LEPR: variants seen among roughly 807,000 people sequenced by gnomAD.
LEPR encodes the protein leptin receptor.
Under a neutral mutation model 114.7 loss-of-function variants are expected in LEPR, and 56 were observed. The observed-to-expected ratio is 0.49, with a 90% CI of 0.39 to 0.61. The LOEUF (loss-of-function observed/expected upper bound fraction) is 0.61, where lower values mean the gene tolerates loss of function less well. Among genes scored for constraint, LEPR ranks in the 20% least tolerant of loss-of-function variants. The pLI is 0.00. For synonymous variants in LEPR, 443 were observed against 461.4 expected (o/e 0.96, Z 0.51); for missense variants, 1,202 against 1,352.9 (o/e 0.89, Z 1.75).
chr1:65,549,081 T>C (rs1032570584), intron 2 of LEPR, among the ~76,000 whole-genome samples: 14 of 151,736 alleles, frequency 9.2e-5, no homozygotes, highest in Non-Finnish European at 1.9e-4. Context: ...TTAGTTTGGC[T>C]GGATATGAAA....
chr1:65,484,120 G>C (rs950069092), intron 2 of LEPR, among the ~76,000 whole-genome samples: 2 of 151,868 alleles, frequency 1.3e-5, no homozygotes, highest in African/African-American at 2.4e-5. Context: ...GCCTTCCAAA[G>C]TGCTGGGATT....
intron 2 of LEPR, among the ~76,000 whole-genome samples, chr1:65,425,735 C>T (rs572465047): frequency 1.8e-4 from 27 of 152,264 alleles, no homozygotes; most frequent in East Asian, 1.7e-3. Context: ...CAGCACAGTA[C>T]GCTGGAGCTC....
At position 65,544,702 on chromosome 1, in the gene LEPR, GTT is replaced by G. The variant is rs60771321; in HGVS notation, c.-20-20836_-20-20835del. Among the ~76,000 whole-genome samples the G allele has an allele frequency of 7.4e-5, 11 of 149,138 alleles. No homozygotes were observed. In the South Asian group the frequency reaches 2.3e-3, roughly 31 times the overall value. On this transcript the variant is annotated intron_variant, in intron 2 of 19. Coordinates refer to ENST00000349533, the MANE Select transcript of LEPR (RefSeq NM_002303.6). Reference sequence around the variant, plus strand: ...CTGCATCTATTGAGACAATCATGCGGTTTTTTTTTGCATATAAATATAATAGA... The same window carrying G: ...CTGCATCTATTGAGACAATCATGCGGTTTTTTTGCATATAAATATAATAGA...
intron 2 of LEPR, among the ~76,000 whole-genome samples, chr1:65,520,863 G>A (rs759368576): frequency 1.3e-5 from 2 of 152,244 alleles, no homozygotes; most frequent in African/African-American, 2.4e-5. Context: ...ATGTCCTTAA[G>A]GCACAGATCG....
chr1:65,533,516 A>AT (rs1221559601), intron 2 of LEPR, among the ~76,000 whole-genome samples: 9 of 151,994 alleles, frequency 5.9e-5, no homozygotes, highest in Admixed American at 1.3e-4. Flanking sequence ...ACTTTCTTTG[A>AT]TTTTTTCTGT....
chr1:65,613,808 C>A, intron 14 of LEPR, among the ~76,000 whole-genome samples: 3 of 142,612 alleles, frequency 2.1e-5, no homozygotes, highest in Admixed American at 6.9e-5. Flanking sequence ...AAAACCTAGC[C>A]AAAGTAGATA....
chr1:65,547,030 T>C (rs572119724), intron 2 of LEPR, among the ~76,000 whole-genome samples: 2 of 152,272 alleles, frequency 1.3e-5, no homozygotes, highest in African/African-American at 4.8e-5. Context: ...TTGTTGAATT[T>C]TGTCAAAGGC....
At chr1:65,482,479 A>G (rs1202922243) in intron 2 of LEPR, among the ~76,000 whole-genome samples, 5 of 152,192 alleles carry the variant, frequency 3.3e-5, no homozygotes, top group Non-Finnish European at 7.3e-5. Context: ...ATTAAATAAG[A>G]AGTGAGTGAG....
At chr1:65,449,962 C>T (rs1452342041) in intron 2 of LEPR, among the ~76,000 whole-genome samples, 5 of 151,974 alleles carry the variant, frequency 3.3e-5, no homozygotes, top group Admixed American at 6.6e-5. Flanking sequence ...CTTTTATTTT[C>T]ATTTAGTTAA....
intron 3 of LEPR, among the ~76,000 whole-genome samples, chr1:65,567,874 T>C (rs1653885768): frequency 7.0e-6 from 1 of 143,606 alleles, no homozygotes. Flanking sequence ...CTCAGAGTGG[T>C]ACATTTGTCA....
chr1:65,439,679 G>A (rs754719335), intron 2 of LEPR, among the ~76,000 whole-genome samples: 1 of 152,030 alleles, frequency 6.6e-6, no homozygotes, highest in Non-Finnish European at 1.5e-5. Context: ...TTAGCTGGGT[G>A]TGGTGGCAGA....
chr1:65,426,055 G>C (rs1570419917), intron 2 of LEPR, among the ~76,000 whole-genome samples: 1 of 144,210 alleles, frequency 6.9e-6, no homozygotes, highest in Non-Finnish European at 1.5e-5. Context: ...CATACTGTCA[G>C]AGGTAGAAAT....
intron 19 of LEPR, among the ~76,000 whole-genome samples, chr1:65,632,472 A>G (rs1420709523): frequency 6.6e-6 from 1 of 152,086 alleles, no homozygotes; most frequent in Non-Finnish European, 1.5e-5. Context: ...AACAAAGAAC[A>G]TGTTCTTCTG....
chr1:65,503,535 G>A (rs1025147029), intron 2 of LEPR, among the ~76,000 whole-genome samples: 2 of 152,102 alleles, frequency 1.3e-5, no homozygotes, highest in African/African-American at 4.8e-5. Flanking sequence ...GGGGGAACAG[G>A]TTAACAATTC....
intron 2 of LEPR, among the ~76,000 whole-genome samples, chr1:65,464,593 A>G (rs1179533050): frequency 6.6e-6 from 1 of 152,212 alleles, no homozygotes; most frequent in African/African-American, 2.4e-5. Flanking sequence ...TAGTTTCAGA[A>G]GGAATAGTAC....
intron 2 of LEPR, among the ~76,000 whole-genome samples, chr1:65,510,489 C>T (rs1255867794): frequency 6.6e-6 from 1 of 152,174 alleles, no homozygotes; most frequent in Non-Finnish European, 1.5e-5. Flanking sequence ...ACTTCCCTCA[C>T]GTGGCCTTTG....
intron 19 of LEPR, among the ~76,000 whole-genome samples, chr1:65,630,698 G>T (rs1428610962): frequency 6.7e-6 from 1 of 148,952 alleles, no homozygotes; most frequent in Non-Finnish European, 1.5e-5. Flanking sequence ...TCTTTGTTTT[G>T]TGTGTGTGTG....
intron 2 of LEPR, among the ~76,000 whole-genome samples, chr1:65,446,651 A>G (rs538791737): frequency 1.3e-5 from 2 of 152,212 alleles, no homozygotes; most frequent in African/African-American, 4.8e-5. Context: ...GTTTTGAAAG[A>G]TCTTTATATA....
At chr1:65,518,358 G>A (rs945461740) in intron 2 of LEPR, among the ~76,000 whole-genome samples, 2 of 152,104 alleles carry the variant, frequency 1.3e-5, no homozygotes, top group Admixed American at 1.3e-4. Flanking sequence ...TATTTTGGGG[G>A]TCTGCTGAGA....
Sources: allele counts gnomAD v4.1 joint callset (sites outside exome capture counted in the v4.1 genomes callset), GRCh38; gene constraint gnomAD v4.1.1; transcripts MANE v1.5; gene names NCBI Gene and HGNC (gene_info 2026-07-23, HGNC 2026-07-21).